Variants in PDS5B observed in about 807,000 individuals in gnomAD.
PDS5B encodes the protein sister chromatid cohesion protein PDS5 homolog B.
PDS5B carries 51 observed loss-of-function variants against 184.1 expected under a neutral mutation model. The observed-to-expected ratio is 0.28, with a 90% CI of 0.22 to 0.35. PDS5B has a LOEUF of 0.35. Among genes scored for constraint, PDS5B ranks in the 10% least tolerant of loss-of-function variants. The pLI is 1.00. For missense variants in PDS5B, 1,180 were observed against 1,723.3 expected (o/e 0.68, Z 5.58); for synonymous variants, 566 against 569.2 (o/e 0.99, Z 0.08).
rs972277283 is a variant in PDS5B, at chr13:32,776,460, A to G, written c.*1408A>G. ...TTGTAATCTGCAAAATGTAGAAATAAATTACTTAAGGCAGTATCCTTTATA... is the reference window on the plus strand; with the variant it reads ...TTGTAATCTGCAAAATGTAGAAATAGATTACTTAAGGCAGTATCCTTTATA... On this transcript the variant is annotated 3_prime_UTR_variant, in exon 35 of 35. Transcript: ENST00000315596. The G allele has an allele frequency of 6.6e-6, 1 of 152,048 alleles. No individual in the cohort carries two copies. The allele number at this position is 152,048 out of a possible 1,614,324, so 9.4% of individuals were successfully genotyped here.
chr13:32,650,434 A>G (rs1485213560), intron 2 of PDS5B: 1 of 152,220 alleles, frequency 6.6e-6, no homozygotes, highest in Non-Finnish European at 1.5e-5. Context: ...TAAGTTTTAT[A>G]CATTATAACA....
chr13:32,655,194 T>G (rs1164481721), intron 3 of PDS5B, among the ~76,000 whole-genome samples: 16 of 56,172 alleles, frequency 2.8e-4, no homozygotes, highest in Admixed American at 2.5e-3. Context: ...GCATCTGTCA[T>G]TTTTTTTTTG....
chr13:32,720,856 T>G (rs577687439), intron 19 of PDS5B, among the ~76,000 whole-genome samples: 1 of 152,210 alleles, frequency 6.6e-6, no homozygotes, highest in East Asian at 1.9e-4. Flanking sequence ...TTAATGAGCA[T>G]GCTGCCTTCA....
At chr13:32,693,872 A>G (rs1186329071) in intron 13 of PDS5B, among the ~76,000 whole-genome samples, 1 of 151,676 alleles carries the variant, frequency 6.6e-6, no homozygotes, top group Non-Finnish European at 1.5e-5. Flanking sequence ...GTCTTAAGAA[A>G]AAGTATCCCC....
intron 19 of PDS5B, among the ~76,000 whole-genome samples, chr13:32,725,248 A>G (rs893354323): frequency 6.6e-6 from 1 of 152,208 alleles, no homozygotes; most frequent in African/African-American, 2.4e-5. Flanking sequence ...AAAGGTGACC[A>G]GTTGAGTGTC....
intron 3 of PDS5B, among the ~76,000 whole-genome samples, chr13:32,652,772 A>AT (rs1195904929): frequency 1.3e-5 from 2 of 150,520 alleles, no homozygotes; most frequent in Non-Finnish European, 2.9e-5. Flanking sequence ...AAAAAAAAAA[A>AT]GATTCAGTGA....
At chr13:32,679,976 C>T (rs1951192620) in intron 10 of PDS5B, among the ~76,000 whole-genome samples, 1 of 151,604 alleles carries the variant, frequency 6.6e-6, no homozygotes, top group African/African-American at 2.4e-5. Flanking sequence ...TTTTCTTTAG[C>T]ATCCTTTTCT....
intron 15 of PDS5B, among the ~76,000 whole-genome samples, chr13:32,698,248 T>A (rs1041055723): frequency 1.3e-5 from 2 of 152,290 alleles, no homozygotes; most frequent in South Asian, 4.1e-4. Context: ...GCTTTTTTTT[T>A]CTGAAATAAT....
At chr13:32,704,797 C>T (rs1276790059) in intron 17 of PDS5B, among the ~76,000 whole-genome samples, 1 of 152,014 alleles carries the variant, frequency 6.6e-6, no homozygotes, top group Non-Finnish European at 1.5e-5. Flanking sequence ...GAATCTTGTC[C>T]CATACCAAAT....
intron 1 of PDS5B, among the ~76,000 whole-genome samples, chr13:32,600,998 T>G (rs2057965748): frequency 6.6e-6 from 1 of 152,220 alleles, no homozygotes; most frequent in Non-Finnish European, 1.5e-5. Context: ...GAATTTTCCC[T>G]TTGATTTTCT....
chr13:32,655,374 A>ATATATATATATATATATATTT, intron 3 of PDS5B, among the ~76,000 whole-genome samples: 5 of 72,484 alleles, frequency 6.9e-5, no homozygotes, highest in Admixed American at 1.8e-4. Context: ...ATATATATAT[A>ATATATATATATATATATATTT]TTTTTTTTTT....
At chr13:32,597,706 G>A (rs1158252432) in intron 1 of PDS5B, among the ~76,000 whole-genome samples, 1 of 151,824 alleles carries the variant, frequency 6.6e-6, no homozygotes, top group Non-Finnish European at 1.5e-5. Context: ...AATTAGTTGG[G>A]CATGGTGGTG....
At chr13:32,595,063 T>C (rs545730039) in intron 1 of PDS5B, among the ~76,000 whole-genome samples, 3 of 152,270 alleles carry the variant, frequency 2.0e-5, no homozygotes, top group Admixed American at 6.5e-5. Flanking sequence ...TCTAGTGCAC[T>C]GTTGGACACA....
chr13:32,592,488 C>T (rs1435987453), intron 1 of PDS5B, among the ~76,000 whole-genome samples: 9 of 139,276 alleles, frequency 6.5e-5, no homozygotes, highest in African/African-American at 2.2e-4. Context: ...AACTCCTGGC[C>T]TCAGGTGATC....
intron 1 of PDS5B, among the ~76,000 whole-genome samples, chr13:32,626,742 G>T (rs2140556197): frequency 6.6e-6 from 1 of 152,162 alleles, no homozygotes; most frequent in Admixed American, 6.5e-5. Flanking sequence ...TGTTCATGGT[G>T]TCCTTAGTGT....
At chr13:32,639,584 A>G (rs1450988593) in intron 1 of PDS5B, among the ~76,000 whole-genome samples, 2 of 152,218 alleles carry the variant, frequency 1.3e-5, no homozygotes, top group Non-Finnish European at 2.9e-5. Flanking sequence ...TAATTTACTT[A>G]GCGTTTTTTC....
Position 32,745,995 on chromosome 13 carries a change from T to C in PDS5B, c.2631T>C (p.Arg877=). 3.7e-6 allele frequency: 6 copies of C among 1,612,578 alleles called. No individual in the cohort carries two copies. The highest frequency in any genetic ancestry group is 5.1e-6 in the Non-Finnish European group (6 of 1,178,642). The change falls in exon 24 of 35, where the codon CGT becomes CGC. Residue 877 remains arginine (R), a synonymous_variant. Coordinates refer to ENST00000315596, the MANE Select transcript of PDS5B (RefSeq NM_015032.4). ...QGKISKPDMS[R]LRLAAGSAIV... ...TTTTCAGTAAACCAGATATGTCACGTCTGAGACTTGCTGCTGGGAGTGCTA... is the reference window on the plus strand; with the variant it reads ...TTTTCAGTAAACCAGATATGTCACGCCTGAGACTTGCTGCTGGGAGTGCTA...
Position 32,687,081 on chromosome 13 carries a change from A to G in PDS5B, c.1204-53A>G, listed in dbSNP as rs1951417990. Reference sequence around the variant, plus strand: ...AAACTAGGAAACTAGACTTTCCTTAATTTATATAATGGAAGCCTTTTTACA... The same window carrying G: ...AAACTAGGAAACTAGACTTTCCTTAGTTTATATAATGGAAGCCTTTTTACA... On this transcript the variant is annotated intron_variant, in intron 11 of 34. Coordinates refer to ENST00000315596, the MANE Select transcript of PDS5B (RefSeq NM_015032.4). 3 of 1,408,106 alleles carry G rather than the reference A, an allele frequency of 2.1e-6. No individual in the cohort carries two copies. The East Asian group carries it at 7.2e-5, about 34-fold the overall frequency. The allele number at this position is 1,408,106 out of a possible 1,614,324, so 87.2% of individuals were successfully genotyped here. A position where few individuals can be genotyped will look rare whatever the true frequency, so the allele number is the denominator to read the frequency against.
intron 1 of PDS5B, among the ~76,000 whole-genome samples, chr13:32,589,262 G>A (rs571176765): frequency 2.0e-4 from 31 of 152,234 alleles, no homozygotes; most frequent in African/African-American, 7.2e-4. Context: ...TGGAAGCTTA[G>A]AAGTTTCCCC....
Sources: allele counts gnomAD v4.1 joint callset (sites outside exome capture counted in the v4.1 genomes callset), GRCh38; gene constraint gnomAD v4.1.1; transcripts MANE v1.5; gene names NCBI Gene and HGNC (gene_info 2026-07-23, HGNC 2026-07-21).